GPHN: variants seen among roughly 807,000 people sequenced by gnomAD.
GPHN encodes gephyrin.
A neutral mutation model predicts 95.5 loss-of-function variants in GPHN; 17 were observed. The ratio of observed to expected loss-of-function variants is 0.18; its 90% CI spans 0.12 to 0.27. GPHN has a LOEUF of 0.27. Ranked by LOEUF, GPHN falls within the 10% of genes least tolerant of loss-of-function variation. The pLI is 1.00. For missense variants in GPHN, 660 were observed against 978.1 expected (o/e 0.67, Z 4.34); for synonymous variants, 320 against 322.5 (o/e 0.99, Z 0.08).
the GPHN span, chr14:67,649,975 C>T: frequency 6.6e-6 from 1 of 152,262 alleles, no homozygotes; most frequent in East Asian, 1.9e-4. Context: ...TTCCCTTCCA[C>T]TTGCTCCAGG....
chr14:67,342,944 C>G, the GPHN span, among the ~76,000 whole-genome samples: 1 of 152,102 alleles, frequency 6.6e-6, no homozygotes, highest in East Asian at 1.9e-4. Flanking sequence ...ATAAGTGCAT[C>G]AAATGGGAAA....
At chr14:67,244,452 G>T in the GPHN span, among the ~76,000 whole-genome samples, 1 of 152,222 alleles carries the variant, frequency 6.6e-6, no homozygotes, top group African/African-American at 2.4e-5. Context: ...TGGTGGATGA[G>T]AAATGATATA....
At chr14:67,627,142 A>G in the GPHN span, among the ~76,000 whole-genome samples, 1 of 152,076 alleles carries the variant, frequency 6.6e-6, no homozygotes, top group Non-Finnish European at 1.5e-5. Flanking sequence ...ATGGCTGCAC[A>G]ACTTCTTGAA....
At chr14:67,017,790 G>C (rs891899729) in intron 9 of GPHN, among the ~76,000 whole-genome samples, 2 of 151,970 alleles carry the variant, frequency 1.3e-5, no homozygotes, top group Non-Finnish European at 2.9e-5. Context: ...ATATCTCTTA[G>C]CTATAATCTA....
At chr14:66,707,652 C>T (rs570806525) in intron 2 of GPHN, among the ~76,000 whole-genome samples, 3 of 152,140 alleles carry the variant, frequency 2.0e-5, no homozygotes, top group Non-Finnish European at 2.9e-5. Context: ...ACAACACACA[C>T]CAGGGCCTGT....
At chr14:67,207,432 C>T in the GPHN span, among the ~76,000 whole-genome samples, 1 of 152,036 alleles carries the variant, frequency 6.6e-6, no homozygotes, top group Non-Finnish European at 1.5e-5. Context: ...GAGGACAGCA[C>T]CAAGCCATTC....
chr14:67,541,179 A>C, the GPHN span, among the ~76,000 whole-genome samples: 1 of 152,236 alleles, frequency 6.6e-6, no homozygotes, highest in African/African-American at 2.4e-5. Context: ...AAAGCATTAT[A>C]TTTTGTTTCC....
the GPHN span, among the ~76,000 whole-genome samples, chr14:67,612,792 A>G: frequency 6.6e-5 from 10 of 152,090 alleles, no homozygotes; most frequent in Non-Finnish European, 1.3e-4. Context: ...AATACAAAAA[A>G]AAATTAGCCA....
At chr14:67,169,168 C>G in intron 21 of GPHN, 132 bp downstream of exon 21, 1 of 698,274 alleles carries the variant, frequency 1.4e-6, no homozygotes, top group Middle Eastern at 2.4e-4. Context: ...ATATTCTCCC[C>G]CTGTGTACTA....
intron 2 of GPHN, among the ~76,000 whole-genome samples, chr14:66,743,196 T>A (rs1215527686): frequency 6.6e-6 from 1 of 151,708 alleles, no homozygotes; most frequent in Non-Finnish European, 1.5e-5. Flanking sequence ...TTTTTTTTTT[T>A]AATTGTTCCA....
chr14:67,302,098 A>G, the GPHN span: 1 of 1,605,130 alleles, frequency 6.2e-7, no homozygotes, highest in Non-Finnish European at 8.5e-7. Flanking sequence ...TCGTATAGAA[A>G]AGGCTCGTGA....
At chr14:67,601,699 C>A in the GPHN span, among the ~76,000 whole-genome samples, 2 of 151,828 alleles carry the variant, frequency 1.3e-5, no homozygotes, top group African/African-American at 2.4e-5. Flanking sequence ...GTCAGGAGTT[C>A]AAGATCAGCC....
At chr14:66,835,701 T>C (rs1034369911) in intron 4 of GPHN, among the ~76,000 whole-genome samples, 14 of 152,022 alleles carry the variant, frequency 9.2e-5, no homozygotes, top group African/African-American at 2.9e-4. Flanking sequence ...AAAACCCCAT[T>C]GTCTCAGCCC....
chr14:66,656,496 A>T (rs754112789), intron 1 of GPHN, among the ~76,000 whole-genome samples: 9 of 152,190 alleles, frequency 5.9e-5, no homozygotes, highest in Middle Eastern at 3.4e-3. Context: ...ATTGGGCTTT[A>T]CATTTTGACT....
the GPHN span, among the ~76,000 whole-genome samples, chr14:67,596,164 C>T: frequency 1.3e-5 from 2 of 151,964 alleles, no homozygotes; most frequent in Non-Finnish European, 2.9e-5. Context: ...GAATTTCACT[C>T]GTTTCCCTGG....
chr14:67,580,840 T>A, the GPHN span: 2 of 764,544 alleles, frequency 2.6e-6, no homozygotes, highest in African/African-American at 3.5e-5. Flanking sequence ...TTCCTTAGTT[T>A]TCTTTGCTCT....
At chr14:67,561,884 A>AG in the GPHN span, 1 of 1,205,214 alleles carries the variant, frequency 8.3e-7, no homozygotes, top group Non-Finnish European at 1.2e-6. Flanking sequence ...AAAAAAAAAA[A>AG]AAGAATTGAA....
chr14:67,414,806 G>T, the GPHN span, among the ~76,000 whole-genome samples: 2 of 152,222 alleles, frequency 1.3e-5, no homozygotes, highest in Non-Finnish European at 2.9e-5. Flanking sequence ...GAGTTTACCG[G>T]AATCACAGAA....
intron 1 of GPHN, among the ~76,000 whole-genome samples, chr14:66,641,982 TGTC>T (rs983295236): frequency 4.6e-5 from 7 of 152,054 alleles, no homozygotes; most frequent in Admixed American, 1.3e-4. Context: ...GAGTACCAAT[TGTC>T]ATCATTTTCT....
Sources: gnomAD v4.1 joint callset for allele counts (sites outside exome capture counted in the v4.1 genomes callset) on GRCh38, gnomAD v4.1.1 for gene constraint, MANE v1.5 for transcripts, NCBI Gene and HGNC (gene_info 2026-07-23, HGNC 2026-07-21) for gene names.